The following PRCP variants were observed in gnomAD, a reference collection of about 807,000 sequenced individuals.
PRCP encodes prolylcarboxypeptidase.
PRCP carries 46 observed loss-of-function variants against 54.2 expected under a neutral mutation model. That is an observed-to-expected ratio of 0.85 (90% confidence interval 0.67 to 1.09). The LOEUF is 1.09. Among genes scored for constraint, PRCP ranks in the 50% least tolerant of loss-of-function variants. The pLI is 0.00. For synonymous variants in PRCP, 240 were observed against 212.2 expected (o/e 1.13, Z -1.14); for missense variants, 613 against 596.8 (o/e 1.03, Z -0.28).
At chr11:82,890,338 C>G (rs971842304) in intron 1 of PRCP, among the ~76,000 whole-genome samples, 2 of 152,162 alleles carry the variant, frequency 1.3e-5, no homozygotes, top group African/African-American at 4.8e-5. Flanking sequence ...TTCTGAGAAA[C>G]AGCACACAAG....
chr11:82,887,727 C>T (rs1200700055), intron 1 of PRCP, among the ~76,000 whole-genome samples: 1 of 152,146 alleles, frequency 6.6e-6, no homozygotes, highest in African/African-American at 2.4e-5. Context: ...CCTAAAAATA[C>T]TAAATCTAAC....
intron 8 of PRCP, chr11:82,827,255 T>C (rs1858258450): frequency 6.6e-6 from 1 of 152,200 alleles, no homozygotes; most frequent in Non-Finnish European, 1.5e-5. Flanking sequence ...CAGCACAAGT[T>C]TTTCATTTTC....
rs936746724 is a variant in PRCP at position 82,824,073 on chromosome 11, A to T, written c.*833T>A. The T allele has an allele frequency of 6.6e-6, 1 of 152,250 alleles. No individual in the cohort carries two copies. Among genetic ancestry groups the T allele is most frequent in the Admixed American group, 6.5e-5 (1 of 15,286 alleles). The allele number at this position is 152,250 out of a possible 1,614,324, so 9.4% of individuals were successfully genotyped here. A position where few individuals can be genotyped will look rare whatever the true frequency, so the allele number is the denominator to read the frequency against. On this transcript the variant is annotated 3_prime_UTR_variant, in exon 9 of 9. Coordinates refer to ENST00000313010, the MANE Select transcript of PRCP (RefSeq NM_005040.4). ...TTTAAAGGCTTCTTACTGAAATATA[A>T]TTAGTGACTACAGCATAAAGCTTGC...
At chr11:82,880,432 C>T (rs976119636) in intron 1 of PRCP, among the ~76,000 whole-genome samples, 4 of 152,148 alleles carry the variant, frequency 2.6e-5, no homozygotes, top group Non-Finnish European at 5.9e-5. Flanking sequence ...TTCCAGGTAC[C>T]GTCTGTCATG....
intron 6 of PRCP, among the ~76,000 whole-genome samples, chr11:82,844,747 A>AAAAAAAAAAAAAAG (rs756222029): frequency 2.2e-5 from 3 of 136,058 alleles, no homozygotes; most frequent in African/African-American, 8.6e-5. Context: ...AAAAAAAAAA[A>AAAAAAAAAAAAAAG]AAAGAAAGAA....
chr11:82,894,437 A>T (rs1374704952), intron 1 of PRCP, among the ~76,000 whole-genome samples: 1 of 152,206 alleles, frequency 6.6e-6, no homozygotes, highest in African/African-American at 2.4e-5. Flanking sequence ...ACTTGTACCC[A>T]CATTCCCACT....
chr11:82,830,620 T>G (rs1187550510), intron 8 of PRCP: 1 of 85,904 alleles, frequency 1.2e-5, no homozygotes, highest in Non-Finnish European at 2.0e-5. Flanking sequence ...AGAGCAAGAC[T>G]CCATCTCAAA....
At chr11:82,895,090 G>A (rs890624976) in intron 1 of PRCP, among the ~76,000 whole-genome samples, 1 of 152,136 alleles carries the variant, frequency 6.6e-6, no homozygotes, top group Non-Finnish European at 1.5e-5. Flanking sequence ...TTAGGAAACT[G>A]CAAGATAAAA....
chr11:82,851,511 T>C (rs1291460365), intron 3 of PRCP, among the ~76,000 whole-genome samples: 2 of 150,058 alleles, frequency 1.3e-5, no homozygotes, highest in Non-Finnish European at 3.0e-5. Flanking sequence ...TGAGAGGCTC[T>C]CCAGCCCCAG....
intron 1 of PRCP, among the ~76,000 whole-genome samples, chr11:82,893,325 C>T (rs1018576160): frequency 2.6e-5 from 4 of 152,152 alleles, no homozygotes; most frequent in Non-Finnish European, 4.4e-5. Flanking sequence ...GTTAAGTGAC[C>T]GAAATTCATA....
chr11:82,837,192 G>A (rs916770702), intron 8 of PRCP: 11 of 207,628 alleles, frequency 5.3e-5, no homozygotes, highest in Middle Eastern at 5.5e-3. Context: ...GGCTGTCACG[G>A]GCAAATAAGC....
chr11:82,878,377 T>C (rs189553136), intron 1 of PRCP, among the ~76,000 whole-genome samples: 60 of 151,838 alleles, frequency 4.0e-4, no homozygotes, highest in Non-Finnish European at 6.5e-4. Flanking sequence ...GGGCCAGGAG[T>C]GGTATGATAT....
chr11:82,857,591 G>A (rs993371899), intron 2 of PRCP, among the ~76,000 whole-genome samples: 5 of 152,130 alleles, frequency 3.3e-5, no homozygotes, highest in Admixed American at 3.3e-4. Flanking sequence ...AACATCAATC[G>A]ATTAGATTTA....
chr11:82,874,275 G>C (rs1399278120), intron 1 of PRCP, among the ~76,000 whole-genome samples: 1 of 152,178 alleles, frequency 6.6e-6, no homozygotes, highest in Non-Finnish European at 1.5e-5. Context: ...AAGTACTAGA[G>C]TATAACAACA....
chr11:82,854,224 C>G (rs1859026305), intron 2 of PRCP, among the ~76,000 whole-genome samples: 1 of 152,126 alleles, frequency 6.6e-6, no homozygotes, highest in African/African-American at 2.4e-5. Flanking sequence ...TGTCTCTTTT[C>G]ACAAATGATA....
intron 6 of PRCP, among the ~76,000 whole-genome samples, chr11:82,843,801 C>CT (rs1191354535): frequency 1.3e-5 from 2 of 152,042 alleles, no homozygotes; most frequent in Non-Finnish European, 2.9e-5. Flanking sequence ...TCACAATAAC[C>CT]AAGAGAGCAC....
upstream of PRCP, chr11:82,901,579 G>A (rs917543353): frequency 2.6e-5 from 4 of 152,466 alleles, no homozygotes; most frequent in Non-Finnish European, 5.9e-5. Context: ...ACCTGTCGGG[G>A]AGAAAGACTC....
intron 6 of PRCP, among the ~76,000 whole-genome samples, chr11:82,844,747 A>AAAAAAAAAGAAAG (rs756222029): frequency 5.1e-5 from 7 of 136,050 alleles, no homozygotes; most frequent in Admixed American, 8.0e-5. Flanking sequence ...AAAAAAAAAA[A>AAAAAAAAAGAAAG]AAAGAAAGAA....
At position 82,844,749 on chromosome 11, in the gene PRCP, AAG is replaced by A. The variant is rs1203009076; in HGVS notation, c.921+4298_921+4299del. On this transcript the variant is annotated intron_variant, in intron 6 of 8. Coordinates refer to ENST00000313010, the MANE Select transcript of PRCP (RefSeq NM_005040.4). ...CTCCGTCTCAAAAAAAAAAAAAAAA[AAG>A]AAAGAAAGAAAGAAAGAAAAGAAAA... Among the ~76,000 whole-genome samples the A allele has an allele frequency of 7.5e-3, 1,050 of 140,616 alleles. 16 individuals carry two copies. Among genetic ancestry groups the A allele is most frequent in the African/African-American group, 0.028 (983 of 35,124 alleles). 92.2% of individuals were successfully genotyped at this position (140,616 alleles called of 152,430 possible).
Sources: gnomAD v4.1 joint callset for allele counts (sites outside exome capture counted in the v4.1 genomes callset) on GRCh38, gnomAD v4.1.1 for gene constraint, MANE v1.5 for transcripts, NCBI Gene and HGNC (gene_info 2026-07-23, HGNC 2026-07-21) for gene names.